The following MYLK4 variants were observed in gnomAD, a reference collection of about 807,000 sequenced individuals.
MYLK4 encodes the protein myosin light chain kinase family member 4.
Under a neutral mutation model 48.1 loss-of-function variants are expected in MYLK4, and 46 were observed. That is an observed-to-expected ratio of 0.96 (90% CI 0.75 to 1.22). The LOEUF is 1.22. Ranked by LOEUF, MYLK4 falls within the 50% of genes most tolerant of loss-of-function variation. The pLI is 0.00. For missense variants in MYLK4, 451 were observed against 486.1 expected (o/e 0.93, Z 0.68); for synonymous variants, 170 against 180.8 (o/e 0.94, Z 0.48).
At chr6:2,694,692 G>T (rs1582057725) in intron 2 of MYLK4, among the ~76,000 whole-genome samples, 1 of 129,652 alleles carries the variant, frequency 7.7e-6, no homozygotes, top group African/African-American at 2.9e-5. Context: ...CATGTATTGT[G>T]CACACACATT....
the MYLK4 span, among the ~76,000 whole-genome samples, chr6:2,760,513 G>A: frequency 5.9e-5 from 9 of 152,170 alleles, no homozygotes; most frequent in Admixed American, 5.9e-4. Context: ...AGATTGAGCT[G>A]GTCCCAAGTT....
intron 2 of MYLK4, among the ~76,000 whole-genome samples, chr6:2,697,856 G>A (rs544147835): frequency 5.3e-4 from 80 of 152,286 alleles, no homozygotes; most frequent in Non-Finnish European, 2.5e-4. Context: ...CCGAACAGAG[G>A]GTAAAGTTCT....
chr6:2,718,284 A>G (rs1181550849), intron 2 of MYLK4, among the ~76,000 whole-genome samples: 1 of 152,186 alleles, frequency 6.6e-6, no homozygotes, highest in Non-Finnish European at 1.5e-5. Context: ...CATGCTCATG[A>G]TTCCAGATGT....
intron 2 of MYLK4, among the ~76,000 whole-genome samples, chr6:2,719,944 C>A (rs1763009066): frequency 6.6e-6 from 1 of 151,422 alleles, no homozygotes; most frequent in South Asian, 2.1e-4. Flanking sequence ...TCGAGACCAG[C>A]CTGGTGAACA....
At chr6:2,739,307 A>G (rs1413923910) in intron 2 of MYLK4, among the ~76,000 whole-genome samples, 1 of 152,226 alleles carries the variant, frequency 6.6e-6, no homozygotes, top group Non-Finnish European at 1.5e-5. Context: ...TTTGCTGAGT[A>G]AATTAATACA....
the MYLK4 span, among the ~76,000 whole-genome samples, chr6:2,767,757 T>G: frequency 1.3e-5 from 2 of 152,172 alleles, no homozygotes; most frequent in Non-Finnish European, 2.9e-5. Context: ...GTGGGTGAGC[T>G]CATCCCACCT....
chr6:2,729,428 C>T (rs1285050605), intron 2 of MYLK4, among the ~76,000 whole-genome samples: 1 of 152,230 alleles, frequency 6.6e-6, no homozygotes, highest in Non-Finnish European at 1.5e-5. Context: ...GGAGCTCGCA[C>T]CTCTCCAGAT....
At chr6:2,766,129 GGGCGAC>G in the MYLK4 span, 23 of 1,325,648 alleles carry the variant, frequency 1.7e-5, no homozygotes, top group African/African-American at 1.2e-4. Context: ...AGGAGGCCGT[GGGCGAC>G]GGCGATGGCG....
chr6:2,762,493 C>A, the MYLK4 span, among the ~76,000 whole-genome samples: 1 of 152,160 alleles, frequency 6.6e-6, no homozygotes, highest in Non-Finnish European at 1.5e-5. Context: ...GTTAATTGAT[C>A]ATGTGGCCAC....
intron 2 of MYLK4, among the ~76,000 whole-genome samples, chr6:2,693,640 CA>C (rs1310465779): frequency 2.0e-5 from 3 of 151,760 alleles, no homozygotes; most frequent in Non-Finnish European, 4.4e-5. Flanking sequence ...TGTGGATGTC[CA>C]AAAAAAGTAT....
chr6:2,752,046 GCAAGATGTGTGTGGGCTGCTGCTGATC>G (rs1208337755), upstream of MYLK4, among the ~76,000 whole-genome samples: 2 of 152,082 alleles, frequency 1.3e-5, no homozygotes, highest in African/African-American at 4.8e-5. Flanking sequence ...CCTGCCAGAG[GCAAGATGTGTGTGGGCTGCTGCTGATC>G]CAACCACATC....
At chr6:2,733,836 G>A (rs1204563198) in intron 2 of MYLK4, among the ~76,000 whole-genome samples, 3 of 152,052 alleles carry the variant, frequency 2.0e-5, no homozygotes, top group Non-Finnish European at 4.4e-5. Flanking sequence ...CCCAAGCTTC[G>A]CCCGCGGAGA....
In MYLK4 at chr6:2,667,108, C is replaced by G. The variant is rs1760686114; in HGVS notation, c.*817G>C. ...TGAGGAAACCTGTTGTGACTGTTGA[C>G]ATTATTTCAAAGGTCAGAATTTCAA... On this transcript the variant is annotated 3_prime_UTR_variant, in exon 13 of 13. Coordinates refer to ENST00000274643, the MANE Select transcript of MYLK4 (RefSeq NM_001012418.5). 1 of 152,216 alleles carries G rather than the reference C, an allele frequency of 6.6e-6. No individual in the cohort carries two copies. The highest frequency in any genetic ancestry group is 1.5e-5 in the Non-Finnish European group (1 of 68,052). 9.4% of individuals were successfully genotyped at this position (152,216 alleles called of 1,614,324 possible).
At chr6:2,703,878 C>T (rs1467887260) in intron 2 of MYLK4, among the ~76,000 whole-genome samples, 1 of 152,002 alleles carries the variant, frequency 6.6e-6, no homozygotes, top group African/African-American at 2.4e-5. Context: ...ACCATGCTGG[C>T]CAGGATGGTC....
intron 2 of MYLK4, among the ~76,000 whole-genome samples, chr6:2,699,295 T>TC (rs1162395144): frequency 1.7e-5 from 2 of 121,060 alleles, no homozygotes; most frequent in African/African-American, 3.3e-5. Flanking sequence ...TTCTTTTTTT[T>TC]TTTTTTTTTT....
intron 2 of MYLK4, among the ~76,000 whole-genome samples, chr6:2,745,081 AC>A (rs1260459751): frequency 1.3e-5 from 2 of 151,966 alleles, no homozygotes; most frequent in Non-Finnish European, 2.9e-5. Context: ...AGCACAGACA[AC>A]CCCGGGCCTC....
chr6:2,678,993 CGCCAG>C (rs1761194977), intron 9 of MYLK4, among the ~76,000 whole-genome samples: 1 of 152,086 alleles, frequency 6.6e-6, no homozygotes, highest in Admixed American at 6.5e-5. Flanking sequence ...TGAGCCACCG[CGCCAG>C]GCCATGTGAG....
intron 2 of MYLK4, 109 bp from the exon 3 acceptor site, chr6:2,692,968 G>A (rs34204042): frequency 0.068 from 67,214 of 987,748 alleles, 2,570 homozygotes; most frequent in South Asian, 0.1. Context: ...GGAATGTCAC[G>A]AGCATTACAG....
At chr6:2,735,901 C>A (rs1763658538) in intron 2 of MYLK4, among the ~76,000 whole-genome samples, 1 of 152,130 alleles carries the variant, frequency 6.6e-6, no homozygotes, top group South Asian at 2.1e-4. Context: ...CTAATTTAAT[C>A]CTCCCAATAA....
Sources: allele counts gnomAD v4.1 joint callset (sites outside exome capture counted in the v4.1 genomes callset), GRCh38; gene constraint gnomAD v4.1.1; transcripts MANE v1.5; gene names NCBI Gene and HGNC (gene_info 2026-07-23, HGNC 2026-07-21).